ZFPM2: variants seen among roughly 807,000 people sequenced by gnomAD.
ZFPM2 encodes the protein zinc finger protein, FOG family member 2.
In ZFPM2, 20 loss-of-function variants were observed where a neutral mutation model predicts 98.6. That is an observed-to-expected ratio of 0.20 (90% CI 0.14 to 0.29). The LOEUF (loss-of-function observed/expected upper bound fraction) is 0.29, where lower values mean the gene tolerates loss of function less well. ZFPM2 is among the 10% of genes least tolerant of loss of function. ZFPM2 has a pLI of 1.00. For missense variants in ZFPM2, 1,310 were observed against 1,388.6 expected (o/e 0.94, Z 0.90); for synonymous variants, 518 against 502.7 (o/e 1.03, Z -0.41).
chr8:105,798,934 T>G lies in ZFPM2; in HGVS notation c.950T>G (p.Leu317Arg), dbSNP rs1257255004. Residue 317 changes from leucine (L) to arginine (R), a missense_variant, in exon 7 of 8, where the codon CTG becomes CGG. Transcript: ENST00000407775. ...AATGCTCGAGCTCTAGAAATGCACCTGAATTCACACAGTGGTAAATGCCCC... is the reference window on the plus strand; with the variant it reads ...AATGCTCGAGCTCTAGAAATGCACCGGAATTCACACAGTGGTAAATGCCCC... ...FSNARALEMHLNSHSGVKMEE... is the reference protein window; with the variant it reads ...FSNARALEMHRNSHSGVKMEE... The G allele has an allele frequency of 1.2e-6, 2 of 1,613,810 alleles. No individual in the cohort carries two copies. Among genetic ancestry groups the G allele is most frequent in the East Asian group, 2.2e-5 (1 of 44,876 alleles).
At chr8:105,578,228 G>A (rs17289683) in intron 4 of ZFPM2, among the ~76,000 whole-genome samples, 38,320 of 151,802 alleles carry the variant, frequency 0.25, 5,077 homozygotes, top group South Asian at 0.3. Flanking sequence ...TAAAGGAATG[G>A]GCAGCCTACC....
intron 5 of ZFPM2, chr8:105,780,197 G>C (rs1162445283): frequency 3.3e-5 from 5 of 152,174 alleles, no homozygotes; most frequent in African/African-American, 1.2e-4. Flanking sequence ...ATAAGAGACA[G>C]ACAAAGAGAG....
intron 5 of ZFPM2, among the ~76,000 whole-genome samples, chr8:105,719,486 A>G (rs1811606561): frequency 6.6e-6 from 1 of 151,932 alleles, no homozygotes; most frequent in Admixed American, 6.6e-5. Flanking sequence ...CTGAATTCGG[A>G]AAGACTTGGG....
chr8:105,406,142 T>A lies in ZFPM2; in HGVS notation c.41-13002T>A, dbSNP rs201684711. Reference sequence around the variant, plus strand: ...TGATGGGGTTGTTTTTTTCTTGTAATTTTGTTTGAGTTCATTGTAGATTCT... The same window carrying A: ...TGATGGGGTTGTTTTTTTCTTGTAAATTTGTTTGAGTTCATTGTAGATTCT... On this transcript the variant is annotated intron_variant, in intron 1 of 7. Transcript: ENST00000407775. Among the ~76,000 whole-genome samples, 660 of 152,032 alleles carry A rather than the reference T, an allele frequency of 4.3e-3. 2 individuals carry two copies. The highest frequency in any genetic ancestry group is 0.041 in the Middle Eastern group (12 of 294).
At chr8:105,425,362 C>T (rs1421147990) in intron 2 of ZFPM2, among the ~76,000 whole-genome samples, 2 of 152,120 alleles carry the variant, frequency 1.3e-5, no homozygotes, top group South Asian at 4.1e-4. Context: ...ACAGATAACT[C>T]CAATCAGAAT....
chr8:105,738,341 G>T (rs545793240), intron 5 of ZFPM2, among the ~76,000 whole-genome samples: 1 of 152,114 alleles, frequency 6.6e-6, no homozygotes, highest in East Asian at 1.9e-4. Context: ...TTCCTGCAAA[G>T]AACATGATCT....
intron 3 of ZFPM2, among the ~76,000 whole-genome samples, chr8:105,452,331 C>T (rs577493870): frequency 3.9e-5 from 6 of 152,246 alleles, no homozygotes; most frequent in African/African-American, 7.2e-5. Flanking sequence ...TGTTCTTTCT[C>T]GTTGAACCAT....
At chr8:105,351,764 G>T (rs1295484744) in intron 1 of ZFPM2, among the ~76,000 whole-genome samples, 6 of 146,814 alleles carry the variant, frequency 4.1e-5, no homozygotes, top group African/African-American at 1.0e-4. Context: ...AATATATGTT[G>T]TTTTTTTTTT....
At chr8:105,598,065 C>A (rs866749729) in intron 4 of ZFPM2, among the ~76,000 whole-genome samples, 451 of 146,334 alleles carry the variant, frequency 3.1e-3, no homozygotes, top group African/African-American at 9.2e-3. Flanking sequence ...AAAAAAAAAA[C>A]CTTTTTTTTT....
chr8:105,349,738 A>C (rs1417657087), intron 1 of ZFPM2, among the ~76,000 whole-genome samples: 1 of 152,250 alleles, frequency 6.6e-6, no homozygotes, highest in African/African-American at 2.4e-5. Flanking sequence ...AAAGCAATAT[A>C]AACAAAAAAT....
Position 105,457,323 on chromosome 8 carries a change from A to G in ZFPM2, c.301+12942A>G, listed in dbSNP as rs185048296. 1.9e-3 allele frequency among the ~76,000 whole-genome samples: 297 copies of G among 152,314 alleles called. 2 individuals carry two copies. The highest frequency in any genetic ancestry group is 3.4e-3 in the Middle Eastern group (1 of 294). On this transcript the variant is annotated intron_variant, in intron 3 of 7. Transcript: ENST00000407775. ...ATTCACTCATAAATGTAACTTACATATGCTTTCTAGATTTTGCACTTCTTC... is the reference window on the plus strand; with the variant it reads ...ATTCACTCATAAATGTAACTTACATGTGCTTTCTAGATTTTGCACTTCTTC...
chr8:105,788,563 A>C (rs890529399), intron 5 of ZFPM2, among the ~76,000 whole-genome samples, 155 bp from the exon 6 acceptor site: 2 of 152,218 alleles, frequency 1.3e-5, no homozygotes, highest in Non-Finnish European at 2.9e-5. Context: ...CCACACAGGA[A>C]GCAAGAGGAA....
chr8:105,339,689 A>G (rs764606298), intron 1 of ZFPM2, among the ~76,000 whole-genome samples: 1 of 151,912 alleles, frequency 6.6e-6, no homozygotes, highest in African/African-American at 2.4e-5. Context: ...GAACTCTGCA[A>G]TGTGGGCTAA....
intron 1 of ZFPM2, among the ~76,000 whole-genome samples, chr8:105,377,541 C>T (rs1040610160): frequency 2.9e-5 from 4 of 137,224 alleles, no homozygotes; most frequent in African/African-American, 1.1e-4. Context: ...GTGGAAGGAT[C>T]ACTTGAGGCC....
chr8:105,391,543 G>A (rs1266205641), intron 1 of ZFPM2, among the ~76,000 whole-genome samples: 1 of 152,190 alleles, frequency 6.6e-6, no homozygotes, highest in Non-Finnish European at 1.5e-5. Flanking sequence ...TTCAGAATTA[G>A]AGTCAATCCT....
At chr8:105,585,352 C>T (rs1270810825) in intron 4 of ZFPM2, among the ~76,000 whole-genome samples, 1 of 152,108 alleles carries the variant, frequency 6.6e-6, no homozygotes, top group Non-Finnish European at 1.5e-5. Context: ...AGTATCAGCA[C>T]CCAGCACTTT....
At chr8:105,368,185 C>T (rs1810545704) in intron 1 of ZFPM2, among the ~76,000 whole-genome samples, 1 of 144,206 alleles carries the variant, frequency 6.9e-6, no homozygotes, top group African/African-American at 2.6e-5. Flanking sequence ...GTCTAAAATT[C>T]TCTTTTTTGG....
chr8:105,612,379 A>G (rs1167396789), intron 4 of ZFPM2, among the ~76,000 whole-genome samples: 1 of 151,690 alleles, frequency 6.6e-6, no homozygotes, highest in African/African-American at 2.4e-5. Context: ...GTCCAATTGA[A>G]AAAAAAAATG....
intron 1 of ZFPM2, among the ~76,000 whole-genome samples, chr8:105,330,873 G>GT (rs988966566): frequency 1.3e-5 from 2 of 150,024 alleles, no homozygotes; most frequent in African/African-American, 4.9e-5. Flanking sequence ...AAATCGCTGT[G>GT]TAAGTCTGTG....
Sources: allele counts gnomAD v4.1 joint callset (sites outside exome capture counted in the v4.1 genomes callset), GRCh38; gene constraint gnomAD v4.1.1; transcripts MANE v1.5; gene names NCBI Gene and HGNC (gene_info 2026-07-23, HGNC 2026-07-21).